MKLN1: variants seen among roughly 807,000 people sequenced by gnomAD.
MKLN1 encodes the protein muskelin 1.
Under a neutral mutation model 99.0 loss-of-function variants are expected in MKLN1, and 18 were observed. That is an observed-to-expected ratio of 0.18 (90% CI 0.13 to 0.27). The LOEUF (loss-of-function observed/expected upper bound fraction) is 0.27, where lower values mean the gene tolerates loss of function less well. Among genes scored for constraint, MKLN1 ranks in the 10% least tolerant of loss-of-function variants. The pLI is 1.00. For synonymous variants in MKLN1, 288 were observed against 293.2 expected, an observed-to-expected ratio of 0.98 and a Z score of 0.18; for missense variants, 621 against 875.9, an observed-to-expected ratio of 0.71 and a Z score of 3.67.
intron 7 of MKLN1, among the ~76,000 whole-genome samples, chr7:131,412,036 G>A (rs567824570): frequency 1.5e-4 from 23 of 151,482 alleles, no homozygotes; most frequent in Non-Finnish European, 2.2e-4. Context: ...GCAGTCAGCC[G>A]TGTTCATACC....
At chr7:131,383,816 T>C (rs1326901653) in intron 2 of MKLN1, among the ~76,000 whole-genome samples, 4 of 152,346 alleles carry the variant, frequency 2.6e-5, no homozygotes, top group South Asian at 2.1e-4. Flanking sequence ...AACTGTCTAC[T>C]GTTGTCCATC....
chr7:131,183,274 G>A (rs996193879), intron 2 of MKLN1, among the ~76,000 whole-genome samples: 5 of 152,152 alleles, frequency 3.3e-5, no homozygotes, highest in Non-Finnish European at 5.9e-5. Context: ...CAACCGGTAA[G>A]GTAAGAGAGG....
chr7:131,329,873 A>G (rs985038157), intron 1 of MKLN1, among the ~76,000 whole-genome samples: 1 of 152,254 alleles, frequency 6.6e-6, no homozygotes, highest in African/African-American at 2.4e-5. Context: ...AAGTACATAC[A>G]TAAAATAGTA....
chr7:131,239,768 T>C (rs1313328806), intron 3 of MKLN1, among the ~76,000 whole-genome samples: 2 of 152,206 alleles, frequency 1.3e-5, no homozygotes, highest in African/African-American at 2.4e-5. Context: ...AATGGGAGGA[T>C]TGCTTAAAGC....
chr7:131,128,654 G>T (rs1795500825), intron 1 of MKLN1, among the ~76,000 whole-genome samples: 1 of 152,076 alleles, frequency 6.6e-6, no homozygotes, highest in African/African-American at 2.4e-5. Flanking sequence ...GTCTTGTTCT[G>T]TTGCCTAGGC....
chr7:131,282,816 T>C (rs906100007), intron 3 of MKLN1, among the ~76,000 whole-genome samples: 1 of 152,208 alleles, frequency 6.6e-6, no homozygotes, highest in African/African-American at 2.4e-5. Context: ...GTCAGACCTA[T>C]TGTATCATAT....
chr7:131,403,862 TA>T (rs1225038432), intron 6 of MKLN1, among the ~76,000 whole-genome samples: 2 of 151,978 alleles, frequency 1.3e-5, no homozygotes, highest in Non-Finnish European at 2.9e-5. Flanking sequence ...TTACGAGAAT[TA>T]CTGAAATGAG....
chr7:131,367,879 G>A (rs1267033966), intron 1 of MKLN1, among the ~76,000 whole-genome samples: 1 of 152,136 alleles, frequency 6.6e-6, no homozygotes, highest in East Asian at 1.9e-4. Flanking sequence ...AGAGGCTGTG[G>A]ATGGGGTATT....
intron 16 of MKLN1, among the ~76,000 whole-genome samples, chr7:131,473,944 T>C (rs933327811): frequency 6.6e-6 from 1 of 151,538 alleles, no homozygotes; most frequent in African/African-American, 2.4e-5. Flanking sequence ...AGGTCAGGAG[T>C]TCAAGACCAG....
chr7:131,486,361 G>A (rs1293347721), intron 17 of MKLN1, among the ~76,000 whole-genome samples: 1 of 151,632 alleles, frequency 6.6e-6, no homozygotes, highest in Non-Finnish European at 1.5e-5. Flanking sequence ...TCCATGATCC[G>A]ATAGTGGGCT....
intron 3 of MKLN1, among the ~76,000 whole-genome samples, chr7:131,315,166 C>G (rs1414984322): frequency 6.6e-6 from 1 of 152,064 alleles, no homozygotes; most frequent in East Asian, 1.9e-4. Flanking sequence ...TCTGCAGCTC[C>G]CAGCGAGACC....
intron 1 of MKLN1, among the ~76,000 whole-genome samples, chr7:131,113,999 G>A (rs376058070): frequency 8.5e-5 from 13 of 152,182 alleles, no homozygotes; most frequent in East Asian, 5.8e-4. Context: ...CCCTCAGCAC[G>A]TGGGGCTAAC....
Position 131,351,150 on chromosome 7 carries a change from A to C in MKLN1, c.98+23153A>C, listed in dbSNP as rs546705137. Reference sequence around the variant, plus strand: ...GTAGTCCCAACTACTTTGGAGGCTGAGGCAAGAGGATTGCTTGAGTCCAGG... The same window carrying C: ...GTAGTCCCAACTACTTTGGAGGCTGCGGCAAGAGGATTGCTTGAGTCCAGG... On this transcript the variant is annotated intron_variant, in intron 1 of 17. Transcript: ENST00000352689. Among the ~76,000 whole-genome samples, 5 of 152,150 alleles carry C rather than the reference A, an allele frequency of 3.3e-5. No individual in the cohort carries two copies. The East Asian group carries it at 5.9e-4, about 18-fold the overall frequency.
At chr7:131,438,152 G>A (rs1434693859) in intron 10 of MKLN1, among the ~76,000 whole-genome samples, 155 bp downstream of exon 10, 2 of 152,052 alleles carry the variant, frequency 1.3e-5, no homozygotes, top group African/African-American at 4.8e-5. Context: ...TAGGTATAAA[G>A]TTATTCTTTA....
intron 3 of MKLN1, among the ~76,000 whole-genome samples, chr7:131,321,455 C>G (rs915467868): frequency 6.6e-6 from 1 of 152,036 alleles, no homozygotes; most frequent in African/African-American, 2.4e-5. Flanking sequence ...AACATTAGGA[C>G]AAATACCTAA....
chr7:131,153,855 GT>G (rs1246742219), intron 2 of MKLN1, among the ~76,000 whole-genome samples: 3 of 151,940 alleles, frequency 2.0e-5, no homozygotes, highest in Non-Finnish European at 4.4e-5. Context: ...TAGAGATGGG[GT>G]TTCACCAGGC....
chr7:131,301,454 A>T (rs959122074), intron 3 of MKLN1, among the ~76,000 whole-genome samples: 3 of 152,244 alleles, frequency 2.0e-5, no homozygotes, highest in African/African-American at 4.8e-5. Context: ...AGTCATCAAC[A>T]TAAGAAAGGT....
chr7:131,381,628 C>T (rs1156259937), intron 2 of MKLN1, among the ~76,000 whole-genome samples: 1 of 152,182 alleles, frequency 6.6e-6, no homozygotes, highest in African/African-American at 2.4e-5. Flanking sequence ...ATCACTACCA[C>T]CACCACCACC....
At chr7:131,445,731 A>G in intron 11 of MKLN1, 43 bp from the exon 12 acceptor site, 4 of 1,526,668 alleles carry the variant, frequency 2.6e-6, no homozygotes, top group Non-Finnish European at 3.6e-6. Context: ...TCTTCATGGA[A>G]GTGATAAGTT....
Sources: allele counts gnomAD v4.1 joint callset (sites outside exome capture counted in the v4.1 genomes callset), GRCh38; gene constraint gnomAD v4.1.1; transcripts MANE v1.5; gene names NCBI Gene and HGNC (gene_info 2026-07-23, HGNC 2026-07-21).